MTMR2: variants seen among roughly 807,000 people sequenced by gnomAD.
MTMR2 encodes myotubularin related protein 2, also known as phosphatidylinositol-3,5-bisphosphate 3-phosphatase MTMR2.
A neutral mutation model predicts 86.9 loss-of-function variants in MTMR2; 55 were observed. The ratio of observed to expected loss-of-function variants is 0.63; its 90% CI spans 0.51 to 0.79. The LOEUF is 0.79. MTMR2 is among the 30% of genes least tolerant of loss of function. The pLI, the probability that MTMR2 is intolerant of heterozygous loss-of-function variation, is 0.00. For synonymous variants in MTMR2, 241 were observed against 266.8 expected, an observed-to-expected ratio of 0.90 and a Z score of 0.94; for missense variants, 659 against 772.3, an observed-to-expected ratio of 0.85 and a Z score of 1.74.
chr11:95,919,142 A>G (rs527556364), intron 1 of MTMR2, among the ~76,000 whole-genome samples: 9 of 152,312 alleles, frequency 5.9e-5, no homozygotes, highest in African/African-American at 1.2e-4. Flanking sequence ...CTGGCCTCCA[A>G]CACGTCACTC....
intron 2 of MTMR2, chr11:95,866,562 T>A (rs990299324): frequency 6.6e-4 from 101 of 151,912 alleles, no homozygotes; most frequent in African/African-American, 2.3e-3. Flanking sequence ...GTTTAACAAT[T>A]TGTTTCATAA....
chr11:95,855,544 G>A (rs1361290595), intron 7 of MTMR2, among the ~76,000 whole-genome samples: 2 of 152,180 alleles, frequency 1.3e-5, no homozygotes, highest in African/African-American at 4.8e-5. Context: ...GAGCCACTGC[G>A]CCCAGCCTTT....
At chr11:95,891,000 T>C (rs904636564) in intron 1 of MTMR2, among the ~76,000 whole-genome samples, 1 of 152,240 alleles carries the variant, frequency 6.6e-6, no homozygotes, top group Non-Finnish European at 1.5e-5. Context: ...AAAGTCTATC[T>C]GGGGCAAGTT....
intron 2 of MTMR2, among the ~76,000 whole-genome samples, chr11:95,887,194 A>G (rs1865543001): frequency 6.6e-6 from 1 of 152,212 alleles, no homozygotes. Context: ...GCTCAACAGC[A>G]AATGACTTCC....
intron 2 of MTMR2, among the ~76,000 whole-genome samples, chr11:95,876,053 C>A (rs112200303): frequency 1.9e-4 from 29 of 152,200 alleles, no homozygotes; most frequent in African/African-American, 7.0e-4. Context: ...GGTCAGAGAC[C>A]CACTTGAGGA....
chr11:95,895,581 T>A (rs1389248128), intron 1 of MTMR2, among the ~76,000 whole-genome samples: 2 of 152,064 alleles, frequency 1.3e-5, no homozygotes, highest in South Asian at 2.1e-4. Context: ...TATAATAAAA[T>A]TTTTTTAAAA....
At chr11:95,870,886 C>G (rs1335652759) in intron 2 of MTMR2, among the ~76,000 whole-genome samples, 2 of 151,966 alleles carry the variant, frequency 1.3e-5, no homozygotes, top group African/African-American at 4.8e-5. Context: ...TCCCTCCCCC[C>G]TTCCCCCACC....
At chr11:95,905,323 G>A (rs982507097) in intron 1 of MTMR2, among the ~76,000 whole-genome samples, 1 of 110,714 alleles carries the variant, frequency 9.0e-6, no homozygotes, top group Non-Finnish European at 1.8e-5. Context: ...ACACACGCAC[G>A]CACCTGCGCA....
intron 1 of MTMR2, among the ~76,000 whole-genome samples, chr11:95,911,728 C>T (rs1467549161): frequency 6.6e-6 from 1 of 152,052 alleles, no homozygotes; most frequent in Non-Finnish European, 1.5e-5. Flanking sequence ...TGAAATTAAC[C>T]CTTCCATCCC....
intron 14 of MTMR2, 38 bp from the exon 15 acceptor site, chr11:95,835,489 C>T (rs776978917): frequency 1.2e-6 from 2 of 1,605,270 alleles, no homozygotes. Context: ...ACTAGGCAAT[C>T]CTGACCAAAG....
rs1376851490 is a variant in MTMR2 at position 95,923,868 on chromosome 11, T to C, written c.80+7A>G. ...ACGCTGGGCGGGGCCCTGGGCGTCCTGGTTACCTGGACAAGGAGTCCACGC... is the reference window on the plus strand; with the variant it reads ...ACGCTGGGCGGGGCCCTGGGCGTCCCGGTTACCTGGACAAGGAGTCCACGC... On this transcript the variant is annotated splice_region_variant and intron_variant, in intron 1 of 14. Coordinates refer to ENST00000346299, the MANE Select transcript of MTMR2 (RefSeq NM_016156.6). The C allele has an allele frequency of 2.6e-5, 40 of 1,535,946 alleles. No homozygotes were observed. Among genetic ancestry groups the C allele is most frequent in the Non-Finnish European group, 3.4e-5 (39 of 1,135,808 alleles).
At chr11:95,923,588 G>T in intron 1 of MTMR2, 6 of 1,102,516 alleles carry the variant, frequency 5.4e-6, no homozygotes, top group Non-Finnish European at 6.0e-6. Flanking sequence ...GAGAGGGAAT[G>T]AAAGACAGGA....
At chr11:95,876,273 T>G (rs990816575) in intron 2 of MTMR2, among the ~76,000 whole-genome samples, 2 of 152,138 alleles carry the variant, frequency 1.3e-5, no homozygotes, top group Non-Finnish European at 2.9e-5. Flanking sequence ...GAACCTATCT[T>G]CTTAAAATGG....
At chr11:95,843,780 T>G (rs1863652725) in intron 11 of MTMR2, among the ~76,000 whole-genome samples, 1 of 152,116 alleles carries the variant, frequency 6.6e-6, no homozygotes, top group Admixed American at 6.6e-5. Context: ...TGTTAATATA[T>G]AATAAGCTTA....
At chr11:95,868,184 C>T (rs954690308) in intron 2 of MTMR2, among the ~76,000 whole-genome samples, 1 of 138,554 alleles carries the variant, frequency 7.2e-6, no homozygotes, top group African/African-American at 2.7e-5. Flanking sequence ...GATGAGAGGA[C>T]TACCTTGAGC....
At position 95,890,153 on chromosome 11, in the gene MTMR2, T is replaced by C. The variant is rs560569958; in HGVS notation, c.81-1892A>G. On this transcript the variant is annotated intron_variant, in intron 1 of 14. Transcript: ENST00000346299. ...TTCCAGTGCAAACACAACATAGTAT[T>C]TCCAACAACCTATACTATTATACAA... 3.9e-5 allele frequency among the ~76,000 whole-genome samples: 6 copies of C among 152,318 alleles called. No individual in the cohort carries two copies. In the East Asian group the frequency reaches 1.2e-3, roughly 29 times the overall value.
intron 1 of MTMR2, among the ~76,000 whole-genome samples, chr11:95,921,700 T>C (rs951816863): frequency 1.3e-5 from 2 of 152,326 alleles, no homozygotes; most frequent in East Asian, 1.9e-4. Flanking sequence ...CAGTAGACAT[T>C]AAGTAAATGT....
chr11:95,920,774 T>G (rs1425433798), intron 1 of MTMR2, among the ~76,000 whole-genome samples: 1 of 152,214 alleles, frequency 6.6e-6, no homozygotes, highest in Non-Finnish European at 1.5e-5. Flanking sequence ...TTTTAAAAAG[T>G]CTTTCTTTTT....
At chr11:95,868,261 G>A (rs1256236845) in intron 2 of MTMR2, among the ~76,000 whole-genome samples, 1 of 112,952 alleles carries the variant, frequency 8.9e-6, no homozygotes, top group Non-Finnish European at 1.7e-5. Flanking sequence ...CAATGGGAGT[G>A]AGACCCTGTG....
Sources: gnomAD v4.1 joint callset for allele counts (sites outside exome capture counted in the v4.1 genomes callset) on GRCh38, gnomAD v4.1.1 for gene constraint, MANE v1.5 for transcripts, NCBI Gene and HGNC (gene_info 2026-07-23, HGNC 2026-07-21) for gene names.